ZNF280D: variants seen among roughly 807,000 people sequenced by gnomAD.
ZNF280D encodes the protein suppressor of hairy wing homolog 4.
Under a neutral mutation model 94.7 loss-of-function variants are expected in ZNF280D, and 39 were observed. The ratio of observed to expected loss-of-function variants is 0.41; its 90% CI spans 0.32 to 0.54. The LOEUF is 0.54. ZNF280D is among the 20% of genes least tolerant of loss of function. The pLI is 0.22. For missense variants in ZNF280D, 1,090 were observed against 1,149.3 expected, an observed-to-expected ratio of 0.95 and a Z score of 0.75; for synonymous variants, 398 against 377.6, an observed-to-expected ratio of 1.05 and a Z score of -0.63.
At chr15:56,714,917 A>G (rs1267409130) in intron 1 of ZNF280D, among the ~76,000 whole-genome samples, 2 of 152,176 alleles carry the variant, frequency 1.3e-5, no homozygotes, top group Admixed American at 1.3e-4. Flanking sequence ...ATAGGATATG[A>G]AAAGGATCCT....
chr15:56,718,188 T>C (rs1357795177), intron 1 of ZNF280D, among the ~76,000 whole-genome samples: 1 of 152,120 alleles, frequency 6.6e-6, no homozygotes, highest in Non-Finnish European at 1.5e-5. Flanking sequence ...AAATATCTGA[T>C]AATCAACCTG....
chr15:56,635,233 G>C lies in ZNF280D; in HGVS notation c.2277C>G (p.Asn759Lys). The change falls in exon 21 of 22, where the codon AAC becomes AAG. Residue 759 changes from asparagine to lysine, a missense_variant. Asn to Lys is a moderately conservative substitution (Grantham distance 94, BLOSUM62 0). Coordinates refer to ENST00000267807, the MANE Select transcript of ZNF280D (RefSeq NM_017661.4). ...ATGTTTCTGTTTCTCTTTCAGCCAT[G>C]TTAGGTCTTGCAATTTCCTGAAATA... is the stretch of plus-strand genomic sequence containing the variant. ...EPVSKEIARP[N>K]MAERETETSN... is the part of the protein sequence containing the mutation. 1 of 1,542,778 alleles carries C rather than the reference G, an allele frequency of 6.5e-7. No homozygotes were observed.
At chr15:56,684,040 A>G (rs2055825686) in intron 9 of ZNF280D, among the ~76,000 whole-genome samples, 1 of 152,212 alleles carries the variant, frequency 6.6e-6, no homozygotes, top group South Asian at 2.1e-4. Context: ...CAGGTGCAGA[A>G]GCTGAGGCAA....
At chr15:56,649,600 G>T (rs2140632776) in intron 19 of ZNF280D, among the ~76,000 whole-genome samples, 1 of 151,752 alleles carries the variant, frequency 6.6e-6, no homozygotes, top group East Asian at 1.9e-4. Flanking sequence ...GAACTCAATA[G>T]ATCAGTTTGT....
chr15:56,641,360 T>C (rs2052619240), intron 20 of ZNF280D, among the ~76,000 whole-genome samples: 1 of 151,972 alleles, frequency 6.6e-6, no homozygotes, highest in Non-Finnish European at 1.5e-5. Flanking sequence ...ATAATCTGCA[T>C]AACACTTTGT....
chr15:56,694,340 A>C (rs1429226504), intron 6 of ZNF280D, among the ~76,000 whole-genome samples: 7 of 135,800 alleles, frequency 5.2e-5, no homozygotes, highest in Admixed American at 1.5e-4. Flanking sequence ...CACACACACA[A>C]GTATACTCCA....
chr15:56,723,857 A>C (rs1596689707), intron 1 of ZNF280D, among the ~76,000 whole-genome samples: 1 of 147,536 alleles, frequency 6.8e-6, no homozygotes, highest in Non-Finnish European at 1.5e-5. Context: ...AAAATATCGT[A>C]AGTTGAAAAT....
chr15:56,670,966 C>T (rs749623947), intron 13 of ZNF280D, among the ~76,000 whole-genome samples: 6 of 151,712 alleles, frequency 4.0e-5, no homozygotes, highest in Non-Finnish European at 4.4e-5. Context: ...CATTGTTGGC[C>T]GCATGTATGT....
chr15:56,661,331 C>T (rs1188879047), intron 16 of ZNF280D, among the ~76,000 whole-genome samples: 1 of 152,116 alleles, frequency 6.6e-6, no homozygotes, highest in African/African-American at 2.4e-5. Flanking sequence ...GAAGTTCATT[C>T]TATCAATGTT....
chr15:56,683,672 C>T (rs1324487499), intron 9 of ZNF280D, among the ~76,000 whole-genome samples: 1 of 152,144 alleles, frequency 6.6e-6, no homozygotes, highest in Non-Finnish European at 1.5e-5. Context: ...GTGGGTTTTT[C>T]AGAGCAAAGG....
intron 6 of ZNF280D, chr15:56,697,855 C>A (rs1285167898): frequency 6.6e-6 from 1 of 151,896 alleles, no homozygotes; most frequent in African/African-American, 2.4e-5. Flanking sequence ...GCAAAAAAAA[C>A]TAGTGAAAAG....
At chr15:56,726,641 A>G (rs1357139071) in intron 1 of ZNF280D, among the ~76,000 whole-genome samples, 1 of 152,236 alleles carries the variant, frequency 6.6e-6, no homozygotes, top group East Asian at 1.9e-4. Flanking sequence ...TGCTAAAAAA[A>G]TAATAGGACT....
chr15:56,655,581 TCAATA>T (rs1186583878), intron 17 of ZNF280D, among the ~76,000 whole-genome samples: 1 of 152,228 alleles, frequency 6.6e-6, no homozygotes, highest in African/African-American at 2.4e-5. Context: ...TCCCTAGTTA[TCAATA>T]CTTTATTTTT....
At chr15:56,687,005 A>G (rs1015568954) in intron 9 of ZNF280D, among the ~76,000 whole-genome samples, 7 of 152,168 alleles carry the variant, frequency 4.6e-5, no homozygotes, top group Non-Finnish European at 1.0e-4. Flanking sequence ...CAAAAAAATC[A>G]TTCACAAATA....
rs2054720202 is a variant in ZNF280D, at chr15:56,669,985, TATATATATATATTATATATATATA to T, written c.1411-1052_1411-1029del. Among the ~76,000 whole-genome samples, 2 of 864 alleles carry T rather than the reference TATATATATATATTATATATATATA, an allele frequency of 2.3e-3. 1 individual carries two copies. Among genetic ancestry groups the T allele is most frequent in the Non-Finnish European group, 4.0e-3 (2 of 498 alleles). 0.6% of individuals were successfully genotyped at this position (864 alleles called of 152,430 possible). A position where few individuals can be genotyped will look rare whatever the true frequency, so the allele number is the denominator to read the frequency against. On this transcript the variant is annotated intron_variant, in intron 13 of 21. Coordinates refer to ENST00000267807, the MANE Select transcript of ZNF280D (RefSeq NM_017661.4). The stretch of plus-strand genomic sequence containing the variant: ...TATTATATATATATAATATATATAT[TATATATATATATTATATATATATA>T]ATATATATATATAGTGGTTTTAGAG...
At chr15:56,655,636 T>C (rs1395504235) in intron 17 of ZNF280D, among the ~76,000 whole-genome samples, 2 of 152,242 alleles carry the variant, frequency 1.3e-5, no homozygotes, top group African/African-American at 4.8e-5. Context: ...GATCTAACTG[T>C]TTAGCATTTG....
chr15:56,645,993 C>G (rs2140591120), intron 19 of ZNF280D, among the ~76,000 whole-genome samples: 1 of 152,288 alleles, frequency 6.6e-6, no homozygotes, highest in East Asian at 1.9e-4. Flanking sequence ...CACATTCTTT[C>G]TTTCTGATGA....
At chr15:56,705,845 G>A (rs531355401) in intron 3 of ZNF280D, among the ~76,000 whole-genome samples, 1 of 151,836 alleles carries the variant, frequency 6.6e-6, no homozygotes, top group South Asian at 2.1e-4. Context: ...GGGGCAGTAG[G>A]CACATGGCAT....
At chr15:56,726,166 T>C (rs2058622439) in intron 1 of ZNF280D, among the ~76,000 whole-genome samples, 1 of 151,736 alleles carries the variant, frequency 6.6e-6, no homozygotes, top group Non-Finnish European at 1.5e-5. Context: ...AACAACTTTC[T>C]AGGTACTGCC....
Sources: allele counts gnomAD v4.1 joint callset (sites outside exome capture counted in the v4.1 genomes callset), GRCh38; gene constraint gnomAD v4.1.1; transcripts MANE v1.5; gene names NCBI Gene and HGNC (gene_info 2026-07-23, HGNC 2026-07-21).